The following UNC5D variants were observed in gnomAD, a reference collection of about 807,000 sequenced individuals.
UNC5D encodes the protein netrin receptor UNC5D.
UNC5D carries 39 observed loss-of-function variants against 105.4 expected under a neutral mutation model. That is an observed-to-expected ratio of 0.37 (90% confidence interval 0.29 to 0.48). The LOEUF (loss-of-function observed/expected upper bound fraction) is 0.48. Among genes scored for constraint, UNC5D ranks in the 20% least tolerant of loss-of-function variants. The pLI, the probability that UNC5D is intolerant of heterozygous loss-of-function variation, is 0.98. For missense variants in UNC5D, 991 were observed against 1,202.4 expected, an observed-to-expected ratio of 0.82 and a Z score of 2.60; for synonymous variants, 452 against 450.4, an observed-to-expected ratio of 1.00 and a Z score of -0.04.
intron 1 of UNC5D, among the ~76,000 whole-genome samples, chr8:35,495,476 A>AAAAAAAAAAAAAAAAAT (rs1811513753): frequency 6.6e-6 from 1 of 151,032 alleles, no homozygotes. Flanking sequence ...AAAAAAAAAA[A>AAAAAAAAAAAAAAAAAT]AAAAAGCAAA....
At chr8:35,518,482 G>A (rs911489871) in intron 1 of UNC5D, among the ~76,000 whole-genome samples, 43 of 152,098 alleles carry the variant, frequency 2.8e-4, no homozygotes. Flanking sequence ...ATTTACATAT[G>A]TTGGTAAATA....
chr8:35,491,829 C>T (rs898165335), intron 1 of UNC5D, among the ~76,000 whole-genome samples: 2 of 152,020 alleles, frequency 1.3e-5, no homozygotes, highest in Non-Finnish European at 2.9e-5. Flanking sequence ...CTTTAGTTTC[C>T]AGAAACTGAC....
intron 1 of UNC5D, among the ~76,000 whole-genome samples, chr8:35,491,792 A>C (rs936716944): frequency 2.0e-5 from 3 of 152,030 alleles, no homozygotes; most frequent in African/African-American, 7.3e-5. Context: ...TTTAAACTGC[A>C]TTTTCTTATT....
At chr8:35,718,381 C>T (rs1309455251) in intron 8 of UNC5D, among the ~76,000 whole-genome samples, 2 of 152,084 alleles carry the variant, frequency 1.3e-5, no homozygotes, top group South Asian at 2.1e-4. Flanking sequence ...ACTTGAGAGA[C>T]CGGATAGGTA....
chr8:35,711,952 T>C (rs1827990378), intron 8 of UNC5D, among the ~76,000 whole-genome samples: 2 of 152,192 alleles, frequency 1.3e-5, no homozygotes. Context: ...GTGGTTTTCA[T>C]TCTTCCTGCT....
chr8:35,282,710 C>CAAAAAAAAAAAAAAAAAA (rs200599461), intron 1 of UNC5D, among the ~76,000 whole-genome samples: 2 of 135,948 alleles, frequency 1.5e-5, no homozygotes, highest in Non-Finnish European at 1.6e-5. Flanking sequence ...TATTAAAAGA[C>CAAAAAAAAAAAAAAAAAA]AAAAAAAAAA....
chr8:35,371,441 A>T (rs1000828254), intron 1 of UNC5D, among the ~76,000 whole-genome samples: 1 of 152,164 alleles, frequency 6.6e-6, no homozygotes, highest in African/African-American at 2.4e-5. Context: ...TTGGGCTGAG[A>T]TTATCATTTT....
intron 1 of UNC5D, among the ~76,000 whole-genome samples, chr8:35,441,149 C>CTCT (rs745348739): frequency 2.0e-5 from 3 of 151,844 alleles, no homozygotes; most frequent in Non-Finnish European, 4.4e-5. Flanking sequence ...ATTATAGTTG[C>CTCT]TCTTCACTAC....
At chr8:35,564,647 G>A (rs1464417018) in intron 2 of UNC5D, among the ~76,000 whole-genome samples, 1 of 152,052 alleles carries the variant, frequency 6.6e-6, no homozygotes, top group East Asian at 1.9e-4. Context: ...TTGGTTACAC[G>A]GATGAATTGT....
chr8:35,422,119 C>T (rs896754938), intron 1 of UNC5D, among the ~76,000 whole-genome samples: 5 of 152,172 alleles, frequency 3.3e-5, no homozygotes, highest in African/African-American at 1.2e-4. Flanking sequence ...GATTAGATGC[C>T]TAGAGAGCCC....
chr8:35,491,809 A>G (rs933478091), intron 1 of UNC5D, among the ~76,000 whole-genome samples: 4 of 151,824 alleles, frequency 2.6e-5, no homozygotes, highest in African/African-American at 9.7e-5. Flanking sequence ...TATTTATTCT[A>G]CTCTTAGACC....
intron 1 of UNC5D, among the ~76,000 whole-genome samples, chr8:35,417,670 T>C (rs565071473): frequency 1.3e-5 from 2 of 152,330 alleles, no homozygotes; most frequent in East Asian, 3.9e-4. Context: ...AAATTTTCTC[T>C]TTTAAACATG....
chr8:35,737,305 T>A (rs1433090935), intron 11 of UNC5D, among the ~76,000 whole-genome samples: 1 of 148,680 alleles, frequency 6.7e-6, no homozygotes, highest in Non-Finnish European at 1.5e-5. Context: ...TGTGTGTTAA[T>A]GTGTGATGAA....
intron 1 of UNC5D, among the ~76,000 whole-genome samples, chr8:35,309,836 T>C (rs1808738613): frequency 6.6e-6 from 1 of 152,174 alleles, no homozygotes; most frequent in Non-Finnish European, 1.5e-5. Flanking sequence ...GCCCAAATAA[T>C]TGCATGTTAA....
rs147245382 is a variant in UNC5D, at chr8:35,489,826, G to A, written c.104-59466G>A. On this transcript the variant is annotated intron_variant, in intron 1 of 16. Coordinates refer to ENST00000404895, the MANE Select transcript of UNC5D (RefSeq NM_080872.4). ...CAAACGTTTAAACATTATAGCCTAGGGTATTCCATCTACTTTGAAATAATG... is the reference window on the plus strand; with the variant it reads ...CAAACGTTTAAACATTATAGCCTAGAGTATTCCATCTACTTTGAAATAATG... 5.3e-5 allele frequency among the ~76,000 whole-genome samples: 8 copies of A among 152,104 alleles called. No homozygotes were observed. In the East Asian group the frequency reaches 1.3e-3, roughly 26 times the overall value.
At chr8:35,445,794 C>A (rs1807744929) in intron 1 of UNC5D, among the ~76,000 whole-genome samples, 1 of 151,948 alleles carries the variant, frequency 6.6e-6, no homozygotes, top group African/African-American at 2.4e-5. Context: ...AAATGCACAG[C>A]TTTCAATTCT....
chr8:35,482,841 C>T (rs1255806742), intron 1 of UNC5D, among the ~76,000 whole-genome samples: 1 of 117,374 alleles, frequency 8.5e-6, no homozygotes, highest in Admixed American at 1.2e-4. Flanking sequence ...TTGCTCTCGT[C>T]CCCCAGGCTG....
chr8:35,676,499 G>T (rs1177889133), intron 4 of UNC5D, among the ~76,000 whole-genome samples: 1 of 152,180 alleles, frequency 6.6e-6, no homozygotes, highest in Non-Finnish European at 1.5e-5. Context: ...ATGTCTGTTA[G>T]CCACAAGGTG....
At chr8:35,566,406 T>C (rs1413459415) in intron 2 of UNC5D, among the ~76,000 whole-genome samples, 3 of 152,224 alleles carry the variant, frequency 2.0e-5, no homozygotes, top group Admixed American at 2.0e-4. Context: ...ATTTTGATTA[T>C]AGTGATGCTT....
Sources: gnomAD v4.1 joint callset for allele counts (sites outside exome capture counted in the v4.1 genomes callset) on GRCh38, gnomAD v4.1.1 for gene constraint, MANE v1.5 for transcripts, NCBI Gene and HGNC (gene_info 2026-07-23, HGNC 2026-07-21) for gene names.